PPP2CB: variants seen among roughly 807,000 people sequenced by gnomAD.
PPP2CB encodes the protein serine/threonine-protein phosphatase 2A catalytic subunit beta isoform.
In PPP2CB, 18 loss-of-function variants were observed where a neutral mutation model predicts 39.1. The observed-to-expected ratio is 0.46, with a 90% CI of 0.32 to 0.68. The LOEUF is 0.68. PPP2CB is among the 30% of genes least tolerant of loss of function. The probability of loss-of-function intolerance (pLI) is 0.04; values close to 1 mark genes in which losing one functional copy is unlikely to be tolerated. For missense variants in PPP2CB, 226 were observed against 396.9 expected, an observed-to-expected ratio of 0.57 and a Z score of 3.66; for synonymous variants, 129 against 133.8, an observed-to-expected ratio of 0.96 and a Z score of 0.25.
At chr8:30,786,645 TAA>T (rs1207394167) in intron 6 of PPP2CB, among the ~76,000 whole-genome samples, 1 of 360 alleles carries the variant, frequency 2.8e-3, no homozygotes, top group East Asian at 0.17. Flanking sequence ...TATTATTTAA[TAA>T]TAATAATAAT....
At chr8:30,788,651 T>C (rs1025151218) in intron 6 of PPP2CB, among the ~76,000 whole-genome samples, 29 of 152,238 alleles carry the variant, frequency 1.9e-4, no homozygotes, top group African/African-American at 6.3e-4. Flanking sequence ...GTCTAGCATA[T>C]GACTATGTTT....
intron 1 of PPP2CB, among the ~76,000 whole-genome samples, chr8:30,803,098 CTT>C (rs1806653171): frequency 6.6e-6 from 1 of 152,180 alleles, no homozygotes; most frequent in Non-Finnish European, 1.5e-5. Context: ...GGAAAGATCA[CTT>C]TTACTTCGGC....
chr8:30,802,454 T>C (rs1806642711), intron 1 of PPP2CB, among the ~76,000 whole-genome samples: 1 of 152,142 alleles, frequency 6.6e-6, no homozygotes. Flanking sequence ...AGAGTGCATT[T>C]GCTTTCCTTG....
At chr8:30,793,844 T>G in intron 5 of PPP2CB, 73 bp downstream of exon 5, 1 of 1,426,002 alleles carries the variant, frequency 7.0e-7, no homozygotes, top group Non-Finnish European at 9.3e-7. Context: ...GTTTCTTAGT[T>G]AAGTCATAAT....
chr8:30,791,965 CGT>C (rs911307781), intron 5 of PPP2CB, among the ~76,000 whole-genome samples: 6 of 136,102 alleles, frequency 4.4e-5, no homozygotes, highest in South Asian at 4.5e-4. Flanking sequence ...TATATGTATA[CGT>C]GTGTATATGT....
chr8:30,793,060 C>A (rs1482232407), intron 5 of PPP2CB: 2 of 152,102 alleles, frequency 1.3e-5, no homozygotes, highest in African/African-American at 4.8e-5. Context: ...CAGACATCAT[C>A]TTAACTAAGC....
At chr8:30,799,140 T>C (rs917001249) in intron 2 of PPP2CB, among the ~76,000 whole-genome samples, 1 of 151,970 alleles carries the variant, frequency 6.6e-6, no homozygotes, top group Non-Finnish European at 1.5e-5. Flanking sequence ...CCAGGTGGAT[T>C]TGGGGGGGAT....
chr8:30,797,627 G>A lies in PPP2CB; in HGVS notation c.440C>T (p.Thr147Ile). Residue 147 changes from threonine (T) to isoleucine (I), a missense_variant, in exon 3 of 7, where the codon ACA becomes ATA. Around this residue, in one of 4 missense-constraint regions of PPP2CB, gnomAD observed 110 missense variants for 244.1 expected, o/e 0.45. Transcript: ENST00000221138. The part of the protein sequence containing the change: ...YGNANVWKYF[T>I]DLFDYLPLTA... ...AAGTGGAAGATAATCAAAGAGATCT[G>A]TAAAATATTTCCAAACGTTGGCATT... 1 of 1,613,918 alleles carries A rather than the reference G, an allele frequency of 6.2e-7. No individual in the cohort carries two copies. The highest frequency in any genetic ancestry group is 8.5e-7 in the Non-Finnish European group (1 of 1,179,808).
intron 4 of PPP2CB, 36 bp from the exon 5 acceptor site, chr8:30,794,114 T>G: frequency 1.2e-6 from 2 of 1,603,780 alleles, no homozygotes; most frequent in Non-Finnish European, 1.7e-6. Context: ...TACAAATTAT[T>G]ATCAGTCATA....
At chr8:30,794,486 T>A in intron 3 of PPP2CB, 1 of 453,544 alleles carries the variant, frequency 2.2e-6, no homozygotes, top group Non-Finnish European at 3.9e-6. Context: ...TTTTTTTTTT[T>A]CCCCTCCCTC....
intron 1 of PPP2CB, among the ~76,000 whole-genome samples, chr8:30,804,307 G>T (rs1281546684): frequency 5.9e-5 from 9 of 152,166 alleles, no homozygotes; most frequent in Non-Finnish European, 1.2e-4. Flanking sequence ...TCTGTATAGT[G>T]AAGAATTAAC....
chr8:30,797,857 A>AC, intron 2 of PPP2CB, 103 bp from the exon 3 acceptor site: 1 of 1,106,342 alleles, frequency 9.0e-7, no homozygotes, highest in Non-Finnish European at 1.3e-6. Context: ...GCTTTTGGCC[A>AC]CCAGTATATT....
In PPP2CB at chr8:30,812,520, T is replaced by C; in HGVS notation, c.-99A>G. ...CCCCGGCCCGGGCGCCGCTCCCCTC[T>C]CCCTCCGCCGCCGTCGCCAGGTCCC... On this transcript the variant is annotated 5_prime_UTR_variant, in exon 1 of 7. Coordinates refer to ENST00000221138, the MANE Select transcript of PPP2CB (RefSeq NM_001009552.2). The C allele has an allele frequency of 2.9e-6, 2 of 697,736 alleles. No individual in the cohort carries two copies. The highest frequency in any genetic ancestry group is 3.8e-6 in the Non-Finnish European group (2 of 521,532). 43.2% of individuals were successfully genotyped at this position (697,736 alleles called of 1,614,324 possible).
chr8:30,787,251 G>A (rs1178352163), intron 6 of PPP2CB, among the ~76,000 whole-genome samples: 3 of 152,106 alleles, frequency 2.0e-5, no homozygotes, highest in Non-Finnish European at 4.4e-5. Context: ...GTCTACTTTT[G>A]GTATCAAGGA....
At chr8:30,805,588 A>G (rs1349168883) in intron 1 of PPP2CB, among the ~76,000 whole-genome samples, 2 of 152,084 alleles carry the variant, frequency 1.3e-5, no homozygotes, top group Non-Finnish European at 2.9e-5. Context: ...AGAGATTTTG[A>G]GCAAAATTAA....
At chr8:30,793,621 C>G in intron 5 of PPP2CB, 1 of 232,404 alleles carries the variant, frequency 4.3e-6, no homozygotes, top group Non-Finnish European at 8.4e-6. Flanking sequence ...GGAAGAGAGA[C>G]ACAAAATGAT....
intron 6 of PPP2CB, among the ~76,000 whole-genome samples, chr8:30,790,681 G>A (rs906263302): frequency 3.3e-5 from 5 of 152,204 alleles, no homozygotes; most frequent in Non-Finnish European, 4.4e-5. Flanking sequence ...CAGGAGCTGG[G>A]GCAGGGAAGG....
At chr8:30,802,629 G>C (rs1480621627) in intron 1 of PPP2CB, among the ~76,000 whole-genome samples, 1 of 152,110 alleles carries the variant, frequency 6.6e-6, no homozygotes, top group African/African-American at 2.4e-5. Flanking sequence ...GCAGGTCTGA[G>C]CCACCGTGAC....
intron 5 of PPP2CB, among the ~76,000 whole-genome samples, chr8:30,791,886 G>GTATACATGTGTA (rs200313668): frequency 1.3e-5 from 2 of 151,604 alleles, no homozygotes; most frequent in Non-Finnish European, 2.9e-5. Context: ...GTGCATATAT[G>GTATACATGTGTA]TATACATGTG....
Sources: gnomAD v4.1 joint callset for allele counts (sites outside exome capture counted in the v4.1 genomes callset) on GRCh38, gnomAD v4.1.1 for gene constraint, gnomAD v4.1.1 regional missense constraint, MANE v1.5 for transcripts, NCBI Gene and HGNC (gene_info 2026-07-23, HGNC 2026-07-21) for gene names.